PTPRT: variants seen among roughly 807,000 people sequenced by gnomAD.
The protein encoded by PTPRT is protein tyrosine phosphatase receptor type T.
Under a neutral mutation model 176.8 loss-of-function variants are expected in PTPRT, and 56 were observed. The observed-to-expected ratio is 0.32, with a 90% confidence interval of 0.26 to 0.40. The LOEUF (loss-of-function observed/expected upper bound fraction) is 0.40. Ranked by LOEUF, PTPRT falls within the 10% of genes least tolerant of loss-of-function variation. The pLI is 1.00. For missense variants in PTPRT, 1,540 were observed against 1,908.2 expected, an observed-to-expected ratio of 0.81 and a Z score of 3.60; for synonymous variants, 783 against 739.0, an observed-to-expected ratio of 1.06 and a Z score of -0.96.
intron 6 of PTPRT, among the ~76,000 whole-genome samples, chr20:42,734,921 C>A (rs2076515986): frequency 6.6e-6 from 1 of 152,280 alleles, no homozygotes; most frequent in African/African-American, 2.4e-5. Flanking sequence ...AACCAAGCCA[C>A]ATGGCCAAGC....
intron 27 of PTPRT, 82 bp downstream of exon 27, chr20:42,098,339 C>T: frequency 1.9e-6 from 3 of 1,558,480 alleles, no homozygotes; most frequent in Middle Eastern, 2.3e-4. Flanking sequence ...ATGTGGCAGG[C>T]ACCGGCTGTC....
At chr20:42,261,906 T>C (rs933500396) in intron 13 of PTPRT, among the ~76,000 whole-genome samples, 7 of 152,164 alleles carry the variant, frequency 4.6e-5, no homozygotes, top group Admixed American at 4.6e-4. Context: ...ATCTGCAACA[T>C]GCCGCTTGCA....
At chr20:42,041,824 T>A in the PTPRT span, among the ~76,000 whole-genome samples, 2 of 152,238 alleles carry the variant, frequency 1.3e-5, no homozygotes, top group African/African-American at 2.4e-5. Flanking sequence ...TAATTATCAT[T>A]ATTATTGCTA....
intron 1 of PTPRT, among the ~76,000 whole-genome samples, chr20:42,982,767 C>T (rs1489538939): frequency 6.6e-6 from 1 of 152,164 alleles, no homozygotes; most frequent in Non-Finnish European, 1.5e-5. Flanking sequence ...CTCCCACACC[C>T]GCCCTCCTGA....
chr20:42,766,519 T>C (rs901702997), intron 5 of PTPRT, among the ~76,000 whole-genome samples: 1 of 152,186 alleles, frequency 6.6e-6, no homozygotes, highest in Admixed American at 6.5e-5. Flanking sequence ...GCAGATGGGA[T>C]CTTCTAAAGA....
chr20:42,073,107 G>A lies in PTPRT; in HGVS notation c.*7772C>T, dbSNP rs2146044038. The A allele has an allele frequency of 4.8e-6, 1 of 210,424 alleles. No homozygotes were observed. The highest frequency in any genetic ancestry group is 1.9e-4 in the South Asian group (1 of 5,344). 13.0% of individuals were successfully genotyped at this position (210,424 alleles called of 1,614,324 possible). A position where few individuals can be genotyped will look rare whatever the true frequency, so the allele number is the denominator to read the frequency against. On this transcript the variant is annotated 3_prime_UTR_variant, in exon 31 of 31. Coordinates refer to ENST00000373187, the MANE Select transcript of PTPRT (RefSeq NM_007050.6). The stretch of plus-strand genomic sequence containing the variant: ...GCAGGCCATTGGGATTCATGGAGGA[G>A]GCTGCAAAGAGTGTGGAGACTTTGG...
chr20:42,047,272 C>T, the PTPRT span, among the ~76,000 whole-genome samples: 1 of 152,192 alleles, frequency 6.6e-6, no homozygotes, highest in Admixed American at 6.5e-5. Context: ...TAGCTAGGCT[C>T]AGCCCCAATC....
intron 1 of PTPRT, among the ~76,000 whole-genome samples, chr20:43,060,135 G>A (rs368589554): frequency 2.0e-5 from 3 of 151,878 alleles, no homozygotes; most frequent in Non-Finnish European, 1.5e-5. Flanking sequence ...CAGGTGTTTG[G>A]CACAGGAGCA....
In PTPRT at chr20:42,417,139, T is replaced by C. The variant is rs189751366; in HGVS notation, c.1560+31081A>G. ...GAAGCTCTATCAAACTTTGTCCTAA[T>C]AGAGAACTGGGCACCTCCATTTACA... On this transcript the variant is annotated intron_variant, in intron 9 of 30. Transcript: ENST00000373187. 1.1e-3 allele frequency among the ~76,000 whole-genome samples: 169 copies of C among 152,318 alleles called. 1 individual carries two copies. Among genetic ancestry groups the C allele is most frequent in the African/African-American group, 4.0e-3 (165 of 41,572 alleles).
chr20:42,352,289 T>C lies in PTPRT; in HGVS notation c.1561-4A>G, dbSNP rs1405523995. 1 of 1,613,870 alleles carries C rather than the reference T, an allele frequency of 6.2e-7. No individual in the cohort carries two copies. Among genetic ancestry groups the C allele is most frequent in the Non-Finnish European group, 8.5e-7 (1 of 1,179,940 alleles). On this transcript the variant is annotated splice_polypyrimidine_tract_variant and splice_region_variant and intron_variant, in intron 9 of 30. Transcript: ENST00000373187. ...AGCCGACAGCCTTGTAGTTGATCTG[T>C]AGGACAAGCCAGCAAACAAACAAAC...
intron 7 of PTPRT, among the ~76,000 whole-genome samples, chr20:42,584,946 T>C (rs939252979): frequency 1.3e-5 from 2 of 152,188 alleles, no homozygotes; most frequent in Non-Finnish European, 2.9e-5. Flanking sequence ...TAGCACATAT[T>C]GGCTAAAATT....
chr20:42,513,201 GGT>G (rs58268839), intron 7 of PTPRT, among the ~76,000 whole-genome samples: 38,960 of 144,276 alleles, frequency 0.27, 5,271 homozygotes, highest in African/African-American at 0.35. Flanking sequence ...CTATTGATGG[GGT>G]GTGTGTGTGT....
chr20:43,081,805 C>T, intron 1 of PTPRT, among the ~76,000 whole-genome samples: 1 of 152,018 alleles, frequency 6.6e-6, no homozygotes, highest in East Asian at 1.9e-4. Context: ...TTTTCAAATC[C>T]TTCTTTGTCT....
intron 14 of PTPRT, among the ~76,000 whole-genome samples, chr20:42,240,515 G>T (rs994349154): frequency 6.6e-6 from 1 of 152,092 alleles, no homozygotes; most frequent in Non-Finnish European, 1.5e-5. Flanking sequence ...CCTTTTTTCA[G>T]CTAGCTCACA....
At chr20:42,190,635 C>T (rs1469507494) in intron 16 of PTPRT, among the ~76,000 whole-genome samples, 1 of 152,160 alleles carries the variant, frequency 6.6e-6, no homozygotes, top group Non-Finnish European at 1.5e-5. Flanking sequence ...GGCCCTAACC[C>T]TAGAGTTTTG....
chr20:42,915,946 T>G (rs1978714987), intron 1 of PTPRT, among the ~76,000 whole-genome samples: 1 of 151,986 alleles, frequency 6.6e-6, no homozygotes, highest in Non-Finnish European at 1.5e-5. Flanking sequence ...GCCCAATTGT[T>G]GTTGTTGTTG....
At chr20:43,048,785 A>G (rs1986935511) in intron 1 of PTPRT, among the ~76,000 whole-genome samples, 1 of 152,208 alleles carries the variant, frequency 6.6e-6, no homozygotes. Flanking sequence ...TAGGATTAAC[A>G]AAGTTTATGA....
chr20:42,248,619 C>T lies in PTPRT; in HGVS notation c.2312+68G>A, dbSNP rs143610338. 12,387 of 1,568,936 alleles carry T rather than the reference C, an allele frequency of 7.9e-3. 75 individuals carry two copies. Among genetic ancestry groups the T allele is most frequent in the Middle Eastern group, 9.7e-3 (47 of 4,862 alleles). On this transcript the variant is annotated intron_variant, in intron 14 of 30. Transcript: ENST00000373187. ...GGACAATGATCAACAGAGCAAAAAC[C>T]TGGCCACACAGCAGTGTTGAGGTCA...
intron 1 of PTPRT, among the ~76,000 whole-genome samples, chr20:43,145,157 T>C (rs2014133038): frequency 1.3e-5 from 2 of 152,368 alleles, no homozygotes; most frequent in East Asian, 3.9e-4. Flanking sequence ...CCAAAATGTC[T>C]GATCAACAAG....
Sources: gnomAD v4.1 joint callset for allele counts (sites outside exome capture counted in the v4.1 genomes callset) on GRCh38, gnomAD v4.1.1 for gene constraint, MANE v1.5 for transcripts, NCBI Gene and HGNC (gene_info 2026-07-23, HGNC 2026-07-21) for gene names.